DPP10: variants seen among roughly 807,000 people sequenced by gnomAD.
DPP10 encodes inactive dipeptidyl peptidase 10.
In DPP10, 33 loss-of-function variants were observed where a neutral mutation model predicts 120.9. The ratio of observed to expected loss-of-function variants is 0.27; its 90% CI spans 0.21 to 0.37. The LOEUF (loss-of-function observed/expected upper bound fraction) is 0.37, where lower values mean the gene tolerates loss of function less well. Ranked by LOEUF, DPP10 falls within the 10% of genes least tolerant of loss-of-function variation. The pLI is 1.00. For missense variants in DPP10, 816 were observed against 942.8 expected (o/e 0.87, Z 1.76); for synonymous variants, 337 against 326.1 (o/e 1.03, Z -0.36).
At chr2:115,244,214 G>GTGTATA (rs1559302851) in intron 1 of DPP10, among the ~76,000 whole-genome samples, 1 of 77,836 alleles carries the variant, frequency 1.3e-5, no homozygotes, top group Non-Finnish European at 2.5e-5. Flanking sequence ...ATATATGTGT[G>GTGTATA]TGTATATATA....
intron 9 of DPP10, 51 bp from the exon 10 acceptor site, chr2:115,746,035 A>G (rs749783895): frequency 1.1e-5 from 14 of 1,315,504 alleles, no homozygotes; most frequent in African/African-American, 7.6e-5. Context: ...TTTTTACCCA[A>G]TATATTCTAA....
intron 3 of DPP10, among the ~76,000 whole-genome samples, chr2:115,475,533 TC>T (rs2075020157): frequency 6.6e-6 from 1 of 151,762 alleles, no homozygotes; most frequent in African/African-American, 2.4e-5. Context: ...GGGGTTGGAG[TC>T]CCCACACAGA....
At chr2:115,652,339 A>C (rs1468737938) in intron 5 of DPP10, among the ~76,000 whole-genome samples, 1 of 151,866 alleles carries the variant, frequency 6.6e-6, no homozygotes, top group African/African-American at 2.4e-5. Flanking sequence ...CACTAGCTGG[A>C]AACAGATATT....
At chr2:115,479,145 A>T (rs2075277281) in intron 3 of DPP10, among the ~76,000 whole-genome samples, 1 of 152,170 alleles carries the variant, frequency 6.6e-6, no homozygotes, top group Non-Finnish European at 1.5e-5. Context: ...TAAAATGTGG[A>T]AGCAACCTAA....
At chr2:115,585,506 A>G (rs976805725) in intron 5 of DPP10, among the ~76,000 whole-genome samples, 2 of 152,236 alleles carry the variant, frequency 1.3e-5, no homozygotes, top group African/African-American at 4.8e-5. Context: ...TGTGATGTCA[A>G]TTAGCCTCAC....
chr2:114,866,187 C>T (rs1690219810), intron 1 of DPP10, among the ~76,000 whole-genome samples: 1 of 151,684 alleles, frequency 6.6e-6, no homozygotes, highest in African/African-American at 2.4e-5. Context: ...GTCATATTTA[C>T]AAATCATGAT....
intron 1 of DPP10, among the ~76,000 whole-genome samples, chr2:115,192,433 C>T (rs1346786016): frequency 6.6e-6 from 1 of 152,162 alleles, no homozygotes; most frequent in Admixed American, 6.5e-5. Context: ...CTCTATGCAC[C>T]CATAAACTCT....
chr2:114,764,900 T>C (rs966419114), intron 1 of DPP10, among the ~76,000 whole-genome samples: 4 of 152,136 alleles, frequency 2.6e-5, no homozygotes, highest in African/African-American at 9.7e-5. Flanking sequence ...AAGAATGTTG[T>C]GGGGAAAATT....
At chr2:114,477,964 T>C (rs896514849) in intron 1 of DPP10, among the ~76,000 whole-genome samples, 3 of 150,566 alleles carry the variant, frequency 2.0e-5, no homozygotes, top group Non-Finnish European at 3.0e-5. Flanking sequence ...TGTGTGTATA[T>C]GTATATATGT....
chr2:115,402,999 C>T (rs909159450), intron 3 of DPP10, among the ~76,000 whole-genome samples: 8 of 147,248 alleles, frequency 5.4e-5, no homozygotes, highest in African/African-American at 1.5e-4. Flanking sequence ...GATAAAGATA[C>T]ATTTTTTAAA....
intron 1 of DPP10, among the ~76,000 whole-genome samples, chr2:114,499,826 T>C (rs898856113): frequency 1.3e-5 from 2 of 152,236 alleles, no homozygotes; most frequent in African/African-American, 4.8e-5. Context: ...GTTCTTGTGA[T>C]GCTTATTTAA....
intron 1 of DPP10, among the ~76,000 whole-genome samples, chr2:114,874,359 G>A (rs1455986374): frequency 6.6e-6 from 1 of 152,072 alleles, no homozygotes; most frequent in South Asian, 2.1e-4. Context: ...AATCATCAAG[G>A]TCAAATAGGT....
intron 1 of DPP10, among the ~76,000 whole-genome samples, chr2:114,488,246 G>A (rs997153894): frequency 6.6e-6 from 1 of 152,090 alleles, no homozygotes; most frequent in East Asian, 1.9e-4. Flanking sequence ...ACGGGACAGG[G>A]GTGTGGGACT....
intron 1 of DPP10, among the ~76,000 whole-genome samples, chr2:114,905,069 G>C (rs1323920480): frequency 6.6e-6 from 1 of 152,090 alleles, no homozygotes; most frequent in African/African-American, 2.4e-5. Flanking sequence ...TTTATTTACT[G>C]TTTATTGCTG....
chr2:115,372,295 G>C (rs969406725), intron 3 of DPP10, among the ~76,000 whole-genome samples: 3 of 152,056 alleles, frequency 2.0e-5, no homozygotes, highest in Non-Finnish European at 4.4e-5. Context: ...ATGAACAAGT[G>C]ATTTCTGGTG....
chr2:115,652,090 A>G (rs959305465), intron 5 of DPP10, among the ~76,000 whole-genome samples: 2 of 152,086 alleles, frequency 1.3e-5, no homozygotes, highest in Admixed American at 6.6e-5. Context: ...TTTCTCAGAT[A>G]TAATATAGAG....
intron 1 of DPP10, among the ~76,000 whole-genome samples, chr2:114,956,984 T>A (rs1338482743): frequency 2.1e-5 from 2 of 94,642 alleles, no homozygotes; most frequent in Non-Finnish European, 4.8e-5. Flanking sequence ...TCTAAAACTA[T>A]TCAAAAAAAA....
At chr2:115,024,703 ATATT>A (rs1206775466) in intron 1 of DPP10, among the ~76,000 whole-genome samples, 2 of 147,198 alleles carry the variant, frequency 1.4e-5, no homozygotes, top group Non-Finnish European at 3.0e-5. Context: ...AAATATATAT[ATATT>A]TGTTAAATAT....
intron 1 of DPP10, among the ~76,000 whole-genome samples, chr2:114,897,305 A>G (rs1223224436): frequency 2.6e-5 from 4 of 152,132 alleles, no homozygotes; most frequent in African/African-American, 7.2e-5. Context: ...AGTTTCAGAA[A>G]GAATGGTACC....
Sources: allele counts gnomAD v4.1 joint callset (sites outside exome capture counted in the v4.1 genomes callset), GRCh38; gene constraint gnomAD v4.1.1; transcripts MANE v1.5; gene names NCBI Gene and HGNC (gene_info 2026-07-23, HGNC 2026-07-21).